Variants in BOP1 observed in about 807,000 individuals in gnomAD.
BOP1 encodes the protein BOP1 ribosomal biogenesis factor.
In BOP1, 54 loss-of-function variants were observed where a neutral mutation model predicts 82.9. The observed-to-expected ratio is 0.65, with a 90% CI of 0.52 to 0.82. The LOEUF (loss-of-function observed/expected upper bound fraction) is 0.82. BOP1 is among the 40% of genes least tolerant of loss of function. BOP1 has a pLI of 0.00. For missense variants in BOP1, 1,170 were observed against 1,072.0 expected, an observed-to-expected ratio of 1.09 and a Z score of -1.28; for synonymous variants, 566 against 451.1, an observed-to-expected ratio of 1.25 and a Z score of -3.23.
At position 144,286,315 on chromosome 8, in the gene BOP1, C is replaced by T. The variant is rs552228009; in HGVS notation, c.309+2780G>A. Reference sequence around the variant, plus strand: ...TGCCCCTCAGCTAAAGCACAGGACACGCGGGCAGATGCACGGGCGCCATGG... The same window carrying T: ...TGCCCCTCAGCTAAAGCACAGGACATGCGGGCAGATGCACGGGCGCCATGG... On this transcript the variant is annotated intron_variant, in intron 2 of 15. Coordinates refer to ENST00000569669, the MANE Select transcript of BOP1 (RefSeq NM_015201.5). Among the ~76,000 whole-genome samples the T allele has an allele frequency of 1.6e-4, 24 of 152,074 alleles. No homozygotes were observed. In the East Asian group the frequency reaches 1.7e-3, roughly 11 times the overall value.
chr8:144,266,742 C>T, intron 3 of BOP1: 2 of 1,099,174 alleles, frequency 1.8e-6, no homozygotes, highest in Non-Finnish European at 2.2e-6. Flanking sequence ...GTCGCGTGCA[C>T]GCGGCGCGCT....
chr8:144,265,259 T>C (rs1845333783), intron 3 of BOP1, 188 bp from the exon 4 acceptor site: 1 of 678,196 alleles, frequency 1.5e-6, no homozygotes, highest in Admixed American at 3.0e-5. Context: ...GCGGCCACGC[T>C]GCCCCCACCC....
chr8:144,264,461 C>A (rs992915630), intron 6 of BOP1, 24 bp from the exon 7 acceptor site: 21 of 1,606,474 alleles, frequency 1.3e-5, no homozygotes, highest in Non-Finnish European at 1.6e-5. Context: ...CGGGTCAGGA[C>A]GGGCAGTGCG....
At chr8:144,275,337 C>G (rs1554838193) in intron 3 of BOP1, among the ~76,000 whole-genome samples, 1 of 152,188 alleles carries the variant, frequency 6.6e-6, no homozygotes, top group Non-Finnish European at 1.5e-5. Context: ...CCTCTGGCTT[C>G]AGAGCTTCTC....
intron 3 of BOP1, chr8:144,266,934 C>A: frequency 6.4e-7 from 1 of 1,558,510 alleles, no homozygotes; most frequent in Non-Finnish European, 8.6e-7. Context: ...CCGAGCCCGC[C>A]GACCGCAAGC....
At chr8:144,274,934 C>G (rs2130236117) in intron 3 of BOP1, among the ~76,000 whole-genome samples, 1 of 152,342 alleles carries the variant, frequency 6.6e-6, no homozygotes, top group African/African-American at 2.4e-5. Flanking sequence ...GGGAGACAGG[C>G]AGGGAGTGCG....
chr8:144,275,484 G>A (rs979665652), intron 3 of BOP1, among the ~76,000 whole-genome samples: 8 of 149,512 alleles, frequency 5.4e-5, no homozygotes, highest in African/African-American at 1.2e-4. Context: ...AGCCCAGCCC[G>A]GTGCCAGCCT....
Position 144,265,078 on chromosome 8 carries a change from C to T in BOP1, c.391-7G>A. The T allele has an allele frequency of 6.2e-7, 1 of 1,605,924 alleles. No homozygotes were observed. Among genetic ancestry groups the T allele is most frequent in the Admixed American group, 1.7e-5 (1 of 59,772 alleles). ...CCACCGTGTTCCGGATGTCCTGCAG[C>T]CGGGGGCCACCATGTCGGCATCTGA... is the stretch of plus-strand genomic sequence containing the variant. On this transcript the variant is annotated splice_polypyrimidine_tract_variant and splice_region_variant and intron_variant, in intron 3 of 15. Coordinates refer to ENST00000569669, the MANE Select transcript of BOP1 (RefSeq NM_015201.5).
chr8:144,279,302 C>A (rs1335397470), intron 2 of BOP1, among the ~76,000 whole-genome samples: 1 of 151,896 alleles, frequency 6.6e-6, no homozygotes, highest in East Asian at 1.9e-4. Flanking sequence ...TCCCCTATAC[C>A]ACCATGGGCC....
intron 3 of BOP1, chr8:144,267,096 GC>G: frequency 7.1e-7 from 1 of 1,403,784 alleles, no homozygotes; most frequent in Non-Finnish European, 9.2e-7. Context: ...CCCCGCCGCC[GC>G]CCCCGCCGCC....
chr8:144,267,036 G>C, intron 3 of BOP1: 1 of 1,505,000 alleles, frequency 6.6e-7, no homozygotes, highest in Non-Finnish European at 8.8e-7. Flanking sequence ...GCGACGGACA[G>C]CCCTGCCACT....
At chr8:144,271,680 C>CTGGGCCCT (rs755918870) in intron 3 of BOP1, among the ~76,000 whole-genome samples, 10 of 151,890 alleles carry the variant, frequency 6.6e-5, no homozygotes, top group Admixed American at 2.0e-4. Context: ...GCCCTGGCGC[C>CTGGGCCCT]GGGGCCAGAG....
At chr8:144,275,961 C>T (rs1845562311) in intron 3 of BOP1, among the ~76,000 whole-genome samples, 1 of 152,126 alleles carries the variant, frequency 6.6e-6, no homozygotes, top group Non-Finnish European at 1.5e-5. Flanking sequence ...AGGCCAGACA[C>T]AGGGGCATGG....
rs1554840166 is a variant in BOP1 at position 144,291,243 on chromosome 8, G to A, written c.99+29C>T. On this transcript the variant is annotated intron_variant, in intron 1 of 15. Transcript: ENST00000569669. The surrounding 1 kb of genome is among the most constrained non-coding windows in gnomAD (Gnocchi z 4.1). The stretch of plus-strand genomic sequence containing the variant: ...TGCCCGCCGGGCCCTCTAGGGACGC[G>A]CCCCGCCGCCCCGCATCGCCACAGT... The A allele has an allele frequency of 2.1e-6, 3 of 1,438,084 alleles. No homozygotes were observed. The highest frequency in any genetic ancestry group is 2.7e-5 in the Admixed American group (1 of 36,942). 89.1% of individuals were successfully genotyped at this position (1,438,084 alleles called of 1,614,324 possible).
At position 144,268,524 on chromosome 8, in the gene BOP1, C is replaced by T. The variant is rs1047300613; in HGVS notation, c.391-3453G>A. 6.4e-3 allele frequency: 1,877 copies of T among 294,296 alleles called. 44 individuals are homozygous for T. The highest frequency in any genetic ancestry group is 0.04 in the African/African-American group (1,773 of 44,396). The allele number at this position is 294,296 out of a possible 1,614,324, so 18.2% of individuals were successfully genotyped here. The stretch of plus-strand genomic sequence containing the variant: ...CTCATGAAAGGTTCAGAATCCACCC[C>T]CAGCCCCCAGCCTGAGCCTCCATTC... On this transcript the variant is annotated intron_variant, in intron 3 of 15. Transcript: ENST00000569669.
intron 2 of BOP1, among the ~76,000 whole-genome samples, chr8:144,285,052 C>T (rs782031998): frequency 7.9e-5 from 12 of 152,220 alleles, no homozygotes; most frequent in Non-Finnish European, 1.5e-4. Flanking sequence ...GGGGCACACA[C>T]TTGGAATCAG....
intron 2 of BOP1, among the ~76,000 whole-genome samples, chr8:144,279,681 C>CA (rs1845639163): frequency 6.6e-6 from 1 of 152,194 alleles, no homozygotes; most frequent in African/African-American, 2.4e-5. Flanking sequence ...CTATGTCCCC[C>CA]CCGCCGCAAA....
rs1031837751 is a variant in BOP1, at chr8:144,264,264, C to G, written c.939G>C (p.Ser313=). 3.7e-6 allele frequency: 6 copies of G among 1,610,638 alleles called. No individual in the cohort carries two copies. The highest frequency in any genetic ancestry group is 1.3e-5 in the African/African-American group (1 of 74,866). The change falls in exon 7 of 16, where the codon TCG becomes TCC. Residue 313 remains serine, a synonymous_variant. Transcript: ENST00000569669. ...PKLALPGHAE[S]YNPPPEYLLS... is the part of the protein sequence containing the mutation. ...GCAGGTATTCAGGGGGTGGGTTGTA[C>G]GACTCGGCGTGGCCTGGCAGGGCCA...
chr8:144,283,756 G>A (rs1554839187), intron 2 of BOP1, among the ~76,000 whole-genome samples: 1 of 152,276 alleles, frequency 6.6e-6, no homozygotes, highest in African/African-American at 2.4e-5. Flanking sequence ...GAAAGCAGCT[G>A]AGGGGCGGCT....
Sources: gnomAD v4.1 joint callset for allele counts (sites outside exome capture counted in the v4.1 genomes callset) on GRCh38, gnomAD v4.1.1 for gene constraint, Gnocchi (gnomAD v3.1) non-coding constraint, MANE v1.5 for transcripts, NCBI Gene and HGNC (gene_info 2026-07-23, HGNC 2026-07-21) for gene names.